Variants in GLI3 observed in about 807,000 individuals in gnomAD.
GLI3 encodes transcription activator GLI3.
A neutral mutation model predicts 100.8 loss-of-function variants in GLI3; 20 were observed. The ratio of observed to expected loss-of-function variants is 0.20; its 90% CI spans 0.14 to 0.29. The LOEUF (loss-of-function observed/expected upper bound fraction) is 0.29, where lower values mean the gene tolerates loss of function less well. Ranked by LOEUF, GLI3 falls within the 10% of genes least tolerant of loss-of-function variation. The pLI, the probability that GLI3 is intolerant of heterozygous loss-of-function variation, is 1.00. For missense variants in GLI3, 2,040 were observed against 2,128.5 expected (o/e 0.96, Z 0.82); for synonymous variants, 938 against 860.5 (o/e 1.09, Z -1.58).
intron 4 of GLI3, among the ~76,000 whole-genome samples, chr7:42,053,240 G>T (rs73102933): frequency 1.3e-5 from 2 of 152,078 alleles, no homozygotes; most frequent in Non-Finnish European, 2.9e-5. Flanking sequence ...CAGATGATCC[G>T]CCCGCCTCGG....
rs370571907 is a variant in GLI3 at position 42,025,303 on chromosome 7, G to A, written c.1317C>T (p.Pro439=). 28 of 1,614,026 alleles carry A rather than the reference G, an allele frequency of 1.7e-5. No homozygotes were observed. The highest frequency in any genetic ancestry group is 8.3e-5 in the Admixed American group (5 of 60,022). ...PMHNKRSKIK[P]DEDLPSPGAR... Reference sequence around the variant, plus strand: ...CCCCTGGGCTGGGGAGGTCTTCATCGGGTTTGATCTTGGACCTCTTGTTGT... The same window carrying A: ...CCCCTGGGCTGGGGAGGTCTTCATCAGGTTTGATCTTGGACCTCTTGTTGT... Residue 439 remains proline, a synonymous_variant, in exon 9 of 15, where the codon CCC becomes CCT. Transcript: ENST00000395925.
intron 3 of GLI3, among the ~76,000 whole-genome samples, chr7:42,108,021 A>C (rs1359842081): frequency 2.6e-5 from 4 of 152,154 alleles, no homozygotes; most frequent in Non-Finnish European, 5.9e-5. Context: ...TTTCAACCAA[A>C]TTTATTGCCC....
chr7:42,157,547 G>A (rs979177877), intron 2 of GLI3, among the ~76,000 whole-genome samples: 21 of 152,186 alleles, frequency 1.4e-4, no homozygotes, highest in Non-Finnish European at 2.2e-4. Context: ...ATTTTTGGAC[G>A]AAAGGAAGTG....
intron 2 of GLI3, among the ~76,000 whole-genome samples, chr7:42,182,183 G>A (rs1196310177): frequency 6.6e-6 from 1 of 152,172 alleles, no homozygotes; most frequent in African/African-American, 2.4e-5. Flanking sequence ...AAGGCAGCCA[G>A]TAGACCCGTG....
chr7:42,117,690 G>A (rs2128769579), intron 3 of GLI3, among the ~76,000 whole-genome samples: 1 of 152,324 alleles, frequency 6.6e-6, no homozygotes, highest in Admixed American at 6.5e-5. Flanking sequence ...TGATGTTTCA[G>A]GCAGGAGCTG....
chr7:42,229,283 T>A (rs62443825), intron 1 of GLI3, among the ~76,000 whole-genome samples: 4,663 of 152,278 alleles, frequency 0.031, 113 homozygotes, highest in Middle Eastern at 0.16. Flanking sequence ...TTAAAACAAC[T>A]AAGTTAAAAG....
chr7:42,147,408 C>T (rs376701124), intron 3 of GLI3, among the ~76,000 whole-genome samples: 3 of 152,190 alleles, frequency 2.0e-5, no homozygotes, highest in African/African-American at 7.2e-5. Context: ...GAATTGGAGC[C>T]GGGAAGGTTA....
chr7:41,977,788 C>T, intron 11 of GLI3, 66 bp from the exon 12 acceptor site: 1 of 1,407,866 alleles, frequency 7.1e-7, no homozygotes, highest in Admixed American at 1.7e-5. Context: ...CCTAACACGC[C>T]CTCCAAGTTG....
intron 7 of GLI3, among the ~76,000 whole-genome samples, chr7:42,038,256 T>G (rs868238593): frequency 1.3e-5 from 2 of 152,264 alleles, no homozygotes; most frequent in Middle Eastern, 3.4e-3. Context: ...GGGGCCAGAC[T>G]GGGATGGAGA....
intron 3 of GLI3, among the ~76,000 whole-genome samples, chr7:42,133,564 G>T (rs762559128): frequency 4.5e-4 from 68 of 150,554 alleles, no homozygotes; most frequent in Non-Finnish European, 6.6e-4. Context: ...CAGGAGTGGG[G>T]CCAATCACAG....
chr7:42,217,345 T>G (rs140038300), intron 2 of GLI3, among the ~76,000 whole-genome samples: 21 of 152,148 alleles, frequency 1.4e-4, no homozygotes, highest in African/African-American at 4.8e-4. Flanking sequence ...GTAACCAGAG[T>G]TCAGGACATG....
chr7:42,220,356 T>C (rs919707413), intron 2 of GLI3, among the ~76,000 whole-genome samples: 2 of 151,970 alleles, frequency 1.3e-5, no homozygotes, highest in Non-Finnish European at 2.9e-5. Context: ...AGAGAAAAGA[T>C]AGGAAGAGGG....
At chr7:42,175,429 C>G (rs1787459552) in intron 2 of GLI3, among the ~76,000 whole-genome samples, 1 of 152,094 alleles carries the variant, frequency 6.6e-6, no homozygotes, top group Admixed American at 6.5e-5. Context: ...ACCAGCCTGG[C>G]CAATATGGCA....
chr7:42,119,905 A>G (rs1785953897), intron 3 of GLI3, among the ~76,000 whole-genome samples: 1 of 152,186 alleles, frequency 6.6e-6, no homozygotes, highest in Non-Finnish European at 1.5e-5. Context: ...AAAACTTGAC[A>G]GCCCAAAACT....
intron 1 of GLI3, among the ~76,000 whole-genome samples, chr7:42,251,877 T>C (rs7801705): frequency 0.82 from 123,916 of 151,576 alleles, 50,955 homozygotes; most frequent in Middle Eastern, 0.93. Flanking sequence ...TCAGAAGTAA[T>C]GGCAAGTTAT....
chr7:42,216,507 A>G (rs1176379586), intron 2 of GLI3, among the ~76,000 whole-genome samples: 1 of 152,230 alleles, frequency 6.6e-6, no homozygotes, highest in Non-Finnish European at 1.5e-5. Flanking sequence ...ACAGTGCATC[A>G]ATATTGGTTC....
intron 10 of GLI3, among the ~76,000 whole-genome samples, chr7:41,992,690 A>T (rs1364673756): frequency 1.3e-5 from 2 of 152,202 alleles, no homozygotes; most frequent in Admixed American, 6.5e-5. Context: ...AAAGTAAAGG[A>T]GAGAACAAAG....
chr7:42,049,843 G>A (rs1784318032), intron 4 of GLI3, among the ~76,000 whole-genome samples: 3 of 152,136 alleles, frequency 2.0e-5, no homozygotes. Flanking sequence ...CAGAGGGTGC[G>A]GCCATAGGAA....
chr7:41,983,165 A>C (rs753097384), intron 10 of GLI3, among the ~76,000 whole-genome samples: 5 of 152,186 alleles, frequency 3.3e-5, no homozygotes, highest in Non-Finnish European at 5.9e-5. Flanking sequence ...CTAATCCCCA[A>C]AGTGGATGAG....
Sources: allele counts gnomAD v4.1 joint callset (sites outside exome capture counted in the v4.1 genomes callset), GRCh38; gene constraint gnomAD v4.1.1; transcripts MANE v1.5; gene names NCBI Gene and HGNC (gene_info 2026-07-23, HGNC 2026-07-21).